MND1: variants seen among roughly 807,000 people sequenced by gnomAD.
MND1 encodes meiotic nuclear division protein 1 homolog.
Under a neutral mutation model 35.1 loss-of-function variants are expected in MND1, and 28 were observed. The ratio of observed to expected loss-of-function variants is 0.80; its 90% CI spans 0.59 to 1.09. The LOEUF (loss-of-function observed/expected upper bound fraction) is 1.09. MND1 is among the 50% of genes least tolerant of loss of function. MND1 has a pLI of 0.00. For synonymous variants in MND1, 69 were observed against 70.5 expected, an observed-to-expected ratio of 0.98 and a Z score of 0.11; for missense variants, 213 against 239.6, an observed-to-expected ratio of 0.89 and a Z score of 0.73.
chr4:153,393,185 T>C (rs550314831), intron 4 of MND1, among the ~76,000 whole-genome samples: 4 of 152,252 alleles, frequency 2.6e-5, no homozygotes, highest in African/African-American at 9.6e-5. Flanking sequence ...ATTTTTTTCT[T>C]CTTTGAGAAC....
intron 7 of MND1, among the ~76,000 whole-genome samples, chr4:153,414,523 T>C (rs1294572398): frequency 6.6e-6 from 1 of 152,012 alleles, no homozygotes; most frequent in East Asian, 1.9e-4. Flanking sequence ...GACCTCATGA[T>C]CACCCTGCCT....
intron 4 of MND1, chr4:153,382,056 G>C (rs1223894820): frequency 6.6e-6 from 1 of 151,892 alleles, no homozygotes; most frequent in African/African-American, 2.4e-5. Context: ...TTGTTAGGAG[G>C]GTGCTTTTTT....
intron 4 of MND1, among the ~76,000 whole-genome samples, chr4:153,370,154 C>T (rs1773755453): frequency 6.6e-6 from 1 of 151,806 alleles, no homozygotes; most frequent in African/African-American, 2.4e-5. Flanking sequence ...TGGTGGCATA[C>T]GCCTGGAATC....
rs757643541 is a variant in MND1 at position 153,350,131 on chromosome 4, T to C, written c.69+2T>C. 6.3e-7 allele frequency: 1 copy of C among 1,599,742 alleles called. No individual in the cohort carries two copies. The highest frequency in any genetic ancestry group is 8.5e-7 in the Non-Finnish European group (1 of 1,171,204). ...ATGATGGAAATATTTTCTGAAACAGTAAGTCATTTTCTTTAACACTTATAA... is the reference window on the plus strand; with the variant it reads ...ATGATGGAAATATTTTCTGAAACAGCAAGTCATTTTCTTTAACACTTATAA... On this transcript the variant is annotated splice_donor_variant, in intron 2 of 7. Coordinates refer to ENST00000240488, the MANE Select transcript of MND1 (RefSeq NM_032117.4). LOFTEE classifies it high-confidence loss of function.
At chr4:153,382,149 C>G (rs1031144585) in intron 4 of MND1, 1 of 151,776 alleles carries the variant, frequency 6.6e-6, no homozygotes, top group African/African-American at 2.4e-5. Flanking sequence ...AGATACAGGG[C>G]CTTGTTCAGG....
intron 2 of MND1, 64 bp downstream of exon 2, chr4:153,350,193 A>G (rs531410975): frequency 1.8e-6 from 2 of 1,122,352 alleles, no homozygotes; most frequent in South Asian, 1.4e-5. Flanking sequence ...ATGTCATCCA[A>G]TGTTAACTGT....
intron 4 of MND1, among the ~76,000 whole-genome samples, chr4:153,364,361 G>T (rs67483289): frequency 0.28 from 42,999 of 151,698 alleles, 6,912 homozygotes; most frequent in African/African-American, 0.45. Context: ...ACAAAAAAAT[G>T]GTAAAAGTAG....
rs879315995 is a variant in MND1, at chr4:153,401,929, C to T, written c.466+4596C>T. Among the ~76,000 whole-genome samples the T allele has an allele frequency of 2.9e-3, 447 of 152,160 alleles. 2 individuals carry two copies. Among genetic ancestry groups the T allele is most frequent in the Non-Finnish European group, 5.2e-3 (352 of 67,994 alleles). The stretch of plus-strand genomic sequence containing the variant: ...TAATTGCTTTGGAGGCAGAGGCAGG[C>T]GGATCACTAGGGGTCAGGAGTTTGA... On this transcript the variant is annotated intron_variant, in intron 6 of 7. Transcript: ENST00000240488.
At chr4:153,376,744 C>G (rs1448511529) in intron 4 of MND1, among the ~76,000 whole-genome samples, 2 of 152,144 alleles carry the variant, frequency 1.3e-5, no homozygotes, top group Admixed American at 1.3e-4. Flanking sequence ...ACTTCCTGTT[C>G]TGACTTACAT....
At chr4:153,355,587 A>G in intron 2 of MND1, 67 bp from the exon 3 acceptor site, 2 of 1,052,984 alleles carry the variant, frequency 1.9e-6, no homozygotes, top group Non-Finnish European at 2.9e-6. Context: ...AAAATTTTTA[A>G]AAATGAAAAT....
intron 4 of MND1, among the ~76,000 whole-genome samples, chr4:153,392,348 GC>G (rs1011702847): frequency 1.4e-4 from 21 of 152,034 alleles, no homozygotes; most frequent in African/African-American, 4.8e-4. Context: ...CTCGTGATCG[GC>G]CCGCCTCAGC....
At chr4:153,404,658 TAGTAGAAACGGGG>T (rs1729443716) in intron 6 of MND1, among the ~76,000 whole-genome samples, 10 of 151,780 alleles carry the variant, frequency 6.6e-5, no homozygotes, top group Non-Finnish European at 1.3e-4. Context: ...TTTGCATTTT[TAGTAGAAACGGGG>T]TTTCGCCATG....
intron 4 of MND1, among the ~76,000 whole-genome samples, chr4:153,384,042 C>T (rs554222604): frequency 6.6e-6 from 1 of 152,256 alleles, no homozygotes; most frequent in East Asian, 1.9e-4. Flanking sequence ...ATGTCTTTGA[C>T]TCTCAAAATA....
intron 4 of MND1, among the ~76,000 whole-genome samples, chr4:153,384,211 A>G (rs1728784952): frequency 6.8e-6 from 1 of 146,818 alleles, no homozygotes; most frequent in Non-Finnish European, 1.5e-5. Context: ...GGTTCCTTTT[A>G]AAATCTGCCT....
rs1454420150 is a variant in MND1, at chr4:153,365,626, G to T, written c.276+7004G>T. On this transcript the variant is annotated intron_variant, in intron 4 of 7. Coordinates refer to ENST00000240488, the MANE Select transcript of MND1 (RefSeq NM_032117.4). ...TTTTTTTTTCTTTTTAAGAGATGGG[G>T]TCTTGCTCTGTCACCCAGGCTGGAG... Among the ~76,000 whole-genome samples the T allele has an allele frequency of 3.3e-5, 5 of 151,978 alleles. No homozygotes were observed. In the East Asian group the frequency reaches 7.7e-4, roughly 23 times the overall value.
chr4:153,393,578 C>T (rs1561074383), intron 4 of MND1, among the ~76,000 whole-genome samples: 1 of 151,678 alleles, frequency 6.6e-6, no homozygotes, highest in South Asian at 2.1e-4. Flanking sequence ...GGGGTTTTGC[C>T]GTGTTGCCCA....
At chr4:153,369,502 T>C (rs1773739303) in intron 4 of MND1, among the ~76,000 whole-genome samples, 1 of 152,248 alleles carries the variant, frequency 6.6e-6, no homozygotes, top group South Asian at 2.1e-4. Context: ...ACCTAAAAGT[T>C]ATATTTATAC....
At chr4:153,345,141 G>C (rs77374676) in intron 1 of MND1, among the ~76,000 whole-genome samples, 22 of 151,480 alleles carry the variant, frequency 1.5e-4, no homozygotes, top group African/African-American at 4.1e-4. Flanking sequence ...TACGCCTCCA[G>C]CTTCGGCCCC....
At chr4:153,409,074 C>T (rs747520224) in intron 7 of MND1, 59 bp downstream of exon 7, 8 of 1,016,490 alleles carry the variant, frequency 7.9e-6, no homozygotes, top group East Asian at 3.3e-5. Context: ...CTTACTGCGA[C>T]GTGAAATTCA....
Sources: gnomAD v4.1 joint callset for allele counts (sites outside exome capture counted in the v4.1 genomes callset) on GRCh38, gnomAD v4.1.1 for gene constraint, MANE v1.5 for transcripts, NCBI Gene and HGNC (gene_info 2026-07-23, HGNC 2026-07-21) for gene names.